MAMLD1: variants seen among roughly 807,000 people sequenced by gnomAD.
The protein encoded by MAMLD1 is mastermind like domain containing 1, also known as mastermind-like domain-containing protein 1.
A neutral mutation model predicts 45.0 loss-of-function variants in MAMLD1; 14 were observed. The observed-to-expected ratio is 0.31, with a 90% CI of 0.21 to 0.49. MAMLD1 has a LOEUF of 0.49. MAMLD1 is among the 20% of genes least tolerant of loss of function. MAMLD1 has a pLI of 0.99. For missense variants in MAMLD1, 543 were observed against 603.6 expected (o/e 0.90, Z 1.05); for synonymous variants, 254 against 247.8 (o/e 1.02, Z -0.24).
intron 1 of MAMLD1, among the ~76,000 whole-genome samples, chrX:150,368,300 C>A (rs1206768570): frequency 4.5e-5 from 5 of 111,493 alleles, no homozygotes; most frequent in African/African-American, 1.6e-4. Flanking sequence ...TTGCATTTCT[C>A]TGATGGCCAG....
At chrX:150,370,456 G>A (rs1304349273) in intron 1 of MAMLD1, among the ~76,000 whole-genome samples, 1 of 111,979 alleles carries the variant, frequency 8.9e-6, no homozygotes, top group Non-Finnish European at 1.9e-5. Flanking sequence ...GGTGTCAAAG[G>A]AAGAAGAAAA....
intron 2 of MAMLD1, among the ~76,000 whole-genome samples, chrX:150,456,076 TAA>T (rs1461521461): frequency 1.8e-5 from 2 of 111,544 alleles, no homozygotes; most frequent in Non-Finnish European, 3.8e-5. Flanking sequence ...TGGCTGAAAC[TAA>T]AAGTGATTTT....
At chrX:150,457,799 A>G (rs2124624286) in intron 2 of MAMLD1, among the ~76,000 whole-genome samples, 1 of 112,307 alleles carries the variant, frequency 8.9e-6, no homozygotes, top group East Asian at 2.8e-4. Context: ...GGGTAGATAA[A>G]TGTGTTGCCA....
chrX:150,466,539 G>T (rs2036225910), intron 3 of MAMLD1, among the ~76,000 whole-genome samples: 1 of 112,042 alleles, frequency 8.9e-6, no homozygotes, highest in Non-Finnish European at 1.9e-5. Flanking sequence ...CCTTTATTAG[G>T]CATCCTTATG....
At chrX:150,469,410 G>T (rs2036330718) in intron 3 of MAMLD1, among the ~76,000 whole-genome samples, 1 of 111,901 alleles carries the variant, frequency 8.9e-6, no homozygotes, top group Admixed American at 9.4e-5. Context: ...TTAGTATACA[G>T]ACAACATAAT....
At chrX:150,427,058 G>A (rs1557403844) in intron 1 of MAMLD1, among the ~76,000 whole-genome samples, 1 of 111,395 alleles carries the variant, frequency 9.0e-6, no homozygotes. Flanking sequence ...TGAGGCAGCA[G>A]AGCTCCAATC....
chrX:150,450,680 CT>C (rs1348292405), intron 2 of MAMLD1, among the ~76,000 whole-genome samples: 2 of 111,135 alleles, frequency 1.8e-5, no homozygotes, highest in East Asian at 2.9e-4. Flanking sequence ...GCTGTGAGCA[CT>C]TTTTTTTAAT....
chrX:150,508,186 G>A (rs1434105091), intron 6 of MAMLD1, among the ~76,000 whole-genome samples: 2 of 112,680 alleles, frequency 1.8e-5, no homozygotes, highest in Non-Finnish European at 3.8e-5. Flanking sequence ...TTCAGAAATG[G>A]CTGCCAACCC....
intron 2 of MAMLD1, among the ~76,000 whole-genome samples, chrX:150,454,514 C>T (rs911179412): frequency 1.8e-5 from 2 of 111,826 alleles, no homozygotes; most frequent in Admixed American, 9.5e-5. Flanking sequence ...GTGTTTTTCC[C>T]GGTAATTCAG....
chrX:150,501,531 G>T (rs1187892524), intron 5 of MAMLD1, among the ~76,000 whole-genome samples: 1 of 112,035 alleles, frequency 8.9e-6, no homozygotes, highest in Non-Finnish European at 1.9e-5. Context: ...TCTATGGTTG[G>T]CATAAATCCC....
At chrX:150,491,165 A>C (rs2037174108) in intron 5 of MAMLD1, among the ~76,000 whole-genome samples, 1 of 111,275 alleles carries the variant, frequency 9.0e-6, no homozygotes. Context: ...CAACACCCCC[A>C]AGCAGTGGGC....
intron 6 of MAMLD1, among the ~76,000 whole-genome samples, chrX:150,505,537 T>C (rs1211703848): frequency 1.8e-5 from 2 of 111,966 alleles, no homozygotes; most frequent in South Asian, 3.8e-4. Context: ...CGTCAGGGTC[T>C]TGGGAAGGTA....
intron 5 of MAMLD1, among the ~76,000 whole-genome samples, chrX:150,497,283 C>CT (rs782269885): frequency 0.015 from 1,313 of 85,083 alleles, 16 homozygotes; most frequent in African/African-American, 0.027. Flanking sequence ...TCTTTTTTTT[C>CT]TTTTTTTTTT....
chrX:150,367,842 G>C (rs1365163276), intron 1 of MAMLD1, among the ~76,000 whole-genome samples: 16 of 110,971 alleles, frequency 1.4e-4, no homozygotes, highest in African/African-American at 5.3e-4. Context: ...AGTTTGCTGA[G>C]AATGATGGTT....
intron 5 of MAMLD1, among the ~76,000 whole-genome samples, chrX:150,477,282 C>A (rs1253815265): frequency 8.9e-6 from 1 of 112,772 alleles, no homozygotes; most frequent in Admixed American, 9.3e-5. Context: ...CAGCGCTTGG[C>A]ATAGGGCCTG....
intron 2 of MAMLD1, among the ~76,000 whole-genome samples, chrX:150,456,624 G>A (rs1412462497): frequency 2.7e-5 from 3 of 111,867 alleles, no homozygotes; most frequent in East Asian, 2.8e-4. Flanking sequence ...ACTAGAAGCC[G>A]CATCCTGTAT....
intron 1 of MAMLD1, among the ~76,000 whole-genome samples, chrX:150,364,996 C>T (rs1384999838): frequency 1.8e-5 from 2 of 112,109 alleles, no homozygotes; most frequent in African/African-American, 3.2e-5. Flanking sequence ...GTCGACCGTG[C>T]ACCCGCCGGG....
chrX:150,508,756 G>C (rs782533782), intron 6 of MAMLD1, among the ~76,000 whole-genome samples: 101 of 112,539 alleles, frequency 9.0e-4, no homozygotes, highest in African/African-American at 3.1e-3. Flanking sequence ...TGTTGTAGAG[G>C]CAAGTCCTCT....
chrX:150,402,769 G>T (rs2033830521), intron 1 of MAMLD1, among the ~76,000 whole-genome samples: 1 of 111,765 alleles, frequency 8.9e-6, no homozygotes, highest in Non-Finnish European at 1.9e-5. Flanking sequence ...CATGTCCTTT[G>T]TAGGGACATG....
Sources: gnomAD v4.1 joint callset for allele counts (sites outside exome capture counted in the v4.1 genomes callset) on GRCh38, gnomAD v4.1.1 for gene constraint, MANE v1.5 for transcripts, NCBI Gene and HGNC (gene_info 2026-07-23, HGNC 2026-07-21) for gene names.